SPTBN5: variants seen among roughly 807,000 people sequenced by gnomAD.
SPTBN5 encodes spectrin beta chain, non-erythrocytic 5.
In SPTBN5, 513 loss-of-function variants were observed where a neutral mutation model predicts 477.6. The observed-to-expected ratio is 1.07, with a 90% confidence interval of 1.00 to 1.16. The LOEUF (loss-of-function observed/expected upper bound fraction) is 1.16, where lower values mean the gene tolerates loss of function less well. Among genes scored for constraint, SPTBN5 ranks in the 50% most tolerant of loss-of-function variants. SPTBN5 has a pLI of 0.00. For synonymous variants in SPTBN5, 2,169 were observed against 2,011.7 expected (o/e 1.08, Z -2.09); for missense variants, 5,062 against 4,731.8 (o/e 1.07, Z -2.05).
intron 44 of SPTBN5, 50 bp from the exon 45 acceptor site, chr15:41,861,973 G>T: frequency 6.4e-7 from 1 of 1,564,646 alleles, no homozygotes; most frequent in Non-Finnish European, 8.6e-7. Flanking sequence ...CAGCCCAGCA[G>T]GCAGGAGAGA....
At chr15:41,864,866 T>C (rs990726892) in intron 39 of SPTBN5, among the ~76,000 whole-genome samples, 5 of 152,198 alleles carry the variant, frequency 3.3e-5, no homozygotes, top group Admixed American at 6.5e-5. Context: ...CCAAAGCACT[T>C]TCCTATGAAG....
intron 66 of SPTBN5, 137 bp from the exon 67 acceptor site, chr15:41,850,096 G>T (rs2065701764): frequency 1.4e-6 from 1 of 727,772 alleles, no homozygotes; most frequent in Non-Finnish European, 2.4e-6. Context: ...CTTCCCACGT[G>T]GGGGTGTGGG....
In SPTBN5 at chr15:41,852,954, T is replaced by A. The variant is rs1358822900; in HGVS notation, c.10217A>T (p.Glu3406Val). 7 of 1,574,272 alleles carry A rather than the reference T, an allele frequency of 4.4e-6. No homozygotes were observed. The highest frequency in any genetic ancestry group is 1.7e-4 in the Middle Eastern group (1 of 5,822). The part of the protein sequence containing the change: ...QELEGRLQEL[E>V]EAWALRWQRC... ...TTGCCAGCGCAGGGCCCAAGCCTCC[T>A]CCAGCTCCTGCAGCCGCCCTTCCAG... Residue 3406 changes from glutamate to valine, a missense_variant, in exon 60 of 68, where the codon GAG (glutamate) becomes GTG (valine). Physicochemically the swap from Glu to Val is moderately radical, Grantham distance 121. Coordinates refer to ENST00000320955, the MANE Select transcript of SPTBN5 (RefSeq NM_016642.4).
In SPTBN5 at chr15:41,889,975, A is replaced by G; in HGVS notation, c.501+114T>C. 3 of 669,350 alleles carry G rather than the reference A, an allele frequency of 4.5e-6. No homozygotes were observed. In the Admixed American group the frequency reaches 7.5e-5, roughly 17 times the overall value. 41.5% of individuals were successfully genotyped at this position (669,350 alleles called of 1,614,324 possible). ...GAATATGGACTTTGCAGTTTCCAGGATCTCCTATGGGGATCATAAAAGTTG... is the reference window on the plus strand; with the variant it reads ...GAATATGGACTTTGCAGTTTCCAGGGTCTCCTATGGGGATCATAAAAGTTG... On this transcript the variant is annotated intron_variant, in intron 4 of 67. Transcript: ENST00000320955.
Position 41,855,745 on chromosome 15 carries a change from G to A in SPTBN5, c.9022C>T (p.Leu3008Phe), listed in dbSNP as rs765221907. Residue 3008 changes from leucine (L) to phenylalanine (F), a missense_variant and splice_region_variant, in exon 54 of 68, where the codon CTC becomes TTC. Transcript: ENST00000320955. ...GCCAGCCAGGATCCCGCCTCCAGGA[G>A]CTGGGGGTGACAGAGTGGAGATCCG... ...AQEAQQFLTELLEAGSWLAER... is the reference protein window; with the variant it reads ...AQEAQQFLTEFLEAGSWLAER... 1.2e-5 allele frequency: 19 copies of A among 1,576,194 alleles called. No individual in the cohort carries two copies. In the African/African-American group the frequency reaches 1.6e-4, roughly 13 times the overall value.
rs566727300 is a variant in SPTBN5, at chr15:41,865,880, G to C, written c.6846C>G (p.Asp2282Glu). Residue 2282 changes from aspartate to glutamate, a missense_variant, in exon 39 of 68, where the codon GAC (aspartate) becomes GAG (glutamate). Coordinates refer to ENST00000320955, the MANE Select transcript of SPTBN5 (RefSeq NM_016642.4). ...GGCAGTGCTCCAGGTCCTGGCCCAGGTCACCAACATTCATCTTCACCTCCT... is the reference window on the plus strand; with the variant it reads ...GGCAGTGCTCCAGGTCCTGGCCCAGCTCACCAACATTCATCTTCACCTCCT... ...QEKEVKMNVGDLGQDLEHCLQ... is the reference protein window; with the variant it reads ...QEKEVKMNVGELGQDLEHCLQ... The C allele has an allele frequency of 2.5e-6, 4 of 1,583,726 alleles. No individual in the cohort carries two copies. In the South Asian group the frequency reaches 3.5e-5, roughly 14 times the overall value.
intron 26 of SPTBN5, among the ~76,000 whole-genome samples, chr15:41,873,132 C>A (rs532304924): frequency 6.6e-6 from 1 of 152,246 alleles, no homozygotes; most frequent in African/African-American, 2.4e-5. Flanking sequence ...ACAGGTAAAG[C>A]CTGGGAGGAA....
chr15:41,857,700 C>T lies in SPTBN5; in HGVS notation c.8237G>A (p.Arg2746Lys). ...QQQELQREGQ[R>K]LLQGGHPASE... ...GGCTGGGTGGCCCCCCTGCAGCAGC[C>T]TCTGTCCCTCCTGCAGCCACAACAT... Residue 2746 changes from arginine to lysine, a missense_variant, in exon 50 of 68, where the codon AGG becomes AAG. Coordinates refer to ENST00000320955, the MANE Select transcript of SPTBN5 (RefSeq NM_016642.4). 1 of 1,574,648 alleles carries T rather than the reference C, an allele frequency of 6.4e-7. No individual in the cohort carries two copies. Among genetic ancestry groups the T allele is most frequent in the South Asian group, 1.2e-5 (1 of 86,132 alleles).
chr15:41,870,340 C>T lies in SPTBN5; in HGVS notation c.5576G>A (p.Ser1859Asn). The T allele has an allele frequency of 6.4e-7, 1 of 1,572,100 alleles. No individual in the cohort carries two copies. Among genetic ancestry groups the T allele is most frequent in the Non-Finnish European group, 8.6e-7 (1 of 1,159,008 alleles). ...GTCCCGTGCCACATTGTTGGGGAGG[C>T]TCGTGGCTTTCTCCTGAGGAAGGGA... ...VLTQVQEKAT[S>N]LPNNVARDLC... Residue 1859 changes from serine to asparagine, a missense_variant, in exon 31 of 68, where the codon AGC becomes AAC. By Grantham distance (46) the Ser-to-Asn change is conservative. Coordinates refer to ENST00000320955, the MANE Select transcript of SPTBN5 (RefSeq NM_016642.4).
At position 41,870,494 on chromosome 15, in the gene SPTBN5, G is replaced by A. The variant is rs2066495727; in HGVS notation, c.5514C>T (p.Thr1838=). 1.9e-6 allele frequency: 3 copies of A among 1,613,438 alleles called. No individual in the cohort carries two copies. Among genetic ancestry groups the A allele is most frequent in the Non-Finnish European group, 2.5e-6 (3 of 1,179,804 alleles). Residue 1838 remains threonine, a synonymous_variant, in exon 30 of 68, where the codon ACC becomes ACT. Coordinates refer to ENST00000320955, the MANE Select transcript of SPTBN5 (RefSeq NM_016642.4). Reference sequence around the variant, plus strand: ...AGAGATCTCTGTGAACTCTGAGGGTGGTCTCGGTGTCTCGGAGCGCGTGGC... The same window carrying A: ...AGAGATCTCTGTGAACTCTGAGGGTAGTCTCGGTGTCTCGGAGCGCGTGGC... ...ARGHALRDTE[T]TLRVHRDLLE...
rs867543238 is a variant in SPTBN5 at position 41,882,447 on chromosome 15, C to T, written c.2069G>A (p.Arg690His). 17 of 1,551,224 alleles carry T rather than the reference C, an allele frequency of 1.1e-5. No individual in the cohort carries two copies. Among genetic ancestry groups the T allele is most frequent in the Non-Finnish European group, 1.5e-5 (17 of 1,154,948 alleles). ...KHKALEAEVHRHQAVCVDLVR... is the reference protein window; with the variant it reads ...KHKALEAEVHHHQAVCVDLVR... ...GAGATCTACGCACACGGCCTGGTGG[C>T]GGTGGACCTCAGCTTCCAGGGCCTA... Residue 690 changes from arginine (R) to histidine (H), a missense_variant, in exon 11 of 68, where the codon CGC (arginine) becomes CAC (histidine). Physicochemically the swap from Arg to His is conservative, Grantham distance 29. Coordinates refer to ENST00000320955, the MANE Select transcript of SPTBN5 (RefSeq NM_016642.4).
intron 59 of SPTBN5, 90 bp from the exon 60 acceptor site, chr15:41,853,090 T>C (rs2065826403): frequency 6.9e-6 from 10 of 1,440,250 alleles, no homozygotes; most frequent in Admixed American, 2.7e-5. Context: ...TTAATGGAAG[T>C]GCAGAGGGAA....
chr15:41,857,103 G>A lies in SPTBN5; in HGVS notation c.8622-64C>T, dbSNP rs1467709338. 8 of 1,532,646 alleles carry A rather than the reference G, an allele frequency of 5.2e-6. No individual in the cohort carries two copies. The African/African-American group carries it at 6.9e-5, about 13-fold the overall frequency. The allele number at this position is 1,532,646 out of a possible 1,614,324, so 94.9% of individuals were successfully genotyped here. On this transcript the variant is annotated intron_variant, in intron 51 of 67. Coordinates refer to ENST00000320955, the MANE Select transcript of SPTBN5 (RefSeq NM_016642.4). ...CAGGGTGTCAGTATTAGGGATACCT[G>A]GTGACACAGATCACCCAGCTGTGGC...
In SPTBN5 at chr15:41,854,786, G is replaced by A. The variant is rs1208410347; in HGVS notation, c.9614C>T (p.Thr3205Ile). 1.3e-6 allele frequency: 2 copies of A among 1,537,632 alleles called. No homozygotes were observed. The highest frequency in any genetic ancestry group is 2.5e-5 in the South Asian group (2 of 79,678). The part of the protein sequence containing the change: ...ERLDQAIKAR[T>I]ENLAAAHEVH... ...GCCCGGCCTGTGATCACCTACCTCT[G>A]TGCGGGCTTTTATTGCTTGGTCCAA... The change falls in exon 56 of 68, where the codon ACA (threonine) becomes ATA (isoleucine). Residue 3205 changes from threonine (T) to isoleucine (I), a missense_variant. Transcript: ENST00000320955.
Position 41,856,371 on chromosome 15 carries a change from C to G in SPTBN5, c.9021+15G>C. 1 of 1,552,996 alleles carries G rather than the reference C, an allele frequency of 6.4e-7. No homozygotes were observed. The highest frequency in any genetic ancestry group is 8.7e-7 in the Non-Finnish European group (1 of 1,146,100). On this transcript the variant is annotated intron_variant, in intron 53 of 67. Coordinates refer to ENST00000320955, the MANE Select transcript of SPTBN5 (RefSeq NM_016642.4). ...CCAGGCTTGCCTGCTGTGCCCTGCC[C>G]ATCACTCCCCTCACCTCAGTCAGAA...
In SPTBN5 at chr15:41,870,023, G is replaced by A; in HGVS notation, c.5674-3C>T. On this transcript the variant is annotated splice_region_variant and splice_polypyrimidine_tract_variant and intron_variant, in intron 31 of 67. Coordinates refer to ENST00000320955, the MANE Select transcript of SPTBN5 (RefSeq NM_016642.4). ...GCAGTCTCCAGCAGTTCCTGCAGCT[G>A]CGGGAGGGGCAGGGAATAGGGAGGC... The A allele has an allele frequency of 1.3e-6, 2 of 1,481,728 alleles. No individual in the cohort carries two copies. The highest frequency in any genetic ancestry group is 1.4e-5 in the South Asian group (1 of 72,948). 91.8% of individuals were successfully genotyped at this position (1,481,728 alleles called of 1,614,324 possible).
chr15:41,892,708 A>G (rs1264442204), intron 3 of SPTBN5, 186 bp downstream of exon 3: 6 of 618,658 alleles, frequency 9.7e-6, no homozygotes, highest in Non-Finnish European at 1.6e-5. Flanking sequence ...GTGCTCTCCA[A>G]GTCAGGGGTG....
In SPTBN5 at chr15:41,861,665, G is replaced by C. The variant is rs568411667; in HGVS notation, c.7737+70C>G. ...GCCCCTCCAGTCTTAGCCTTGACCA[G>C]AGGCTGTGGGGTCAGCGCAGGCCCT... On this transcript the variant is annotated intron_variant, in intron 45 of 67. Transcript: ENST00000320955. 4.8e-4 allele frequency: 730 copies of C among 1,506,396 alleles called. 14 individuals are homozygous for C. The South Asian group carries it at 8.7e-3, about 18-fold the overall frequency. The allele number at this position is 1,506,396 out of a possible 1,614,324, so 93.3% of individuals were successfully genotyped here.
chr15:41,862,598 C>T lies in SPTBN5; in HGVS notation c.7326G>A (p.Arg2442=). ...TCTCAGCCACCTCCTGCTGCCTGTG[C>T]CTGAGGCCGTGGGCTGCCTCGGGGC... ...QRSPEAAHGL[R]HRQQEVAESW... The change falls in exon 43 of 68, where the codon AGG becomes AGA. Residue 2442 remains arginine (R), a synonymous_variant. Coordinates refer to ENST00000320955, the MANE Select transcript of SPTBN5 (RefSeq NM_016642.4). 6.4e-7 allele frequency: 1 copy of T among 1,559,268 alleles called. No individual in the cohort carries two copies. The highest frequency in any genetic ancestry group is 8.7e-7 in the Non-Finnish European group (1 of 1,152,522).
Sources: allele counts gnomAD v4.1 joint callset (sites outside exome capture counted in the v4.1 genomes callset), GRCh38; gene constraint gnomAD v4.1.1; transcripts MANE v1.5; gene names NCBI Gene and HGNC (gene_info 2026-07-23, HGNC 2026-07-21).